DCUN1D1: variants seen among roughly 807,000 people sequenced by gnomAD.
The protein encoded by DCUN1D1 is DCN1-like protein 1.
Under a neutral mutation model 39.0 loss-of-function variants are expected in DCUN1D1, and 3 were observed. That is an observed-to-expected ratio of 0.08 (90% CI 0.04 to 0.20). The LOEUF (loss-of-function observed/expected upper bound fraction) is 0.20, where lower values mean the gene tolerates loss of function less well. Ranked by LOEUF, DCUN1D1 falls within the 10% of genes least tolerant of loss-of-function variation. DCUN1D1 has a pLI of 1.00. For missense variants in DCUN1D1, 158 were observed against 302.4 expected (o/e 0.52, Z 3.54); for synonymous variants, 82 against 96.3 (o/e 0.85, Z 0.87).
chr3:182,948,396 G>A (rs538351192), intron 4 of DCUN1D1, among the ~76,000 whole-genome samples: 1 of 151,268 alleles, frequency 6.6e-6, no homozygotes, highest in South Asian at 2.1e-4. Context: ...TGCCGCATAA[G>A]AAAGAGCTAC....
At chr3:182,980,576 G>T (rs927470049), upstream of DCUN1D1, 9 of 1,163,412 alleles carry the variant, frequency 7.7e-6, no homozygotes, top group African/African-American at 1.3e-4. Flanking sequence ...TCACGGGCTT[G>T]CCCGGCTCCC....
At chr3:182,974,351 T>C (rs1029608585) in intron 1 of DCUN1D1, among the ~76,000 whole-genome samples, 14 of 152,188 alleles carry the variant, frequency 9.2e-5, no homozygotes, top group Non-Finnish European at 1.2e-4. Context: ...CATATCGCAA[T>C]TGATTCTCTC....
intron 4 of DCUN1D1, among the ~76,000 whole-genome samples, chr3:182,956,923 T>A (rs571684891): frequency 3.3e-5 from 5 of 152,230 alleles, no homozygotes; most frequent in Non-Finnish European, 5.9e-5. Flanking sequence ...TGGGCTCTAT[T>A]TTGAAAGAAA....
chr3:182,960,043 C>T (rs1727303803), intron 4 of DCUN1D1, among the ~76,000 whole-genome samples: 1 of 152,188 alleles, frequency 6.6e-6, no homozygotes, highest in Non-Finnish European at 1.5e-5. Flanking sequence ...ATGCCCCACT[C>T]CTAGCCTGCA....
chr3:182,946,217 A>G (rs1281844048), intron 6 of DCUN1D1, among the ~76,000 whole-genome samples: 1 of 152,160 alleles, frequency 6.6e-6, no homozygotes, highest in Non-Finnish European at 1.5e-5. Context: ...TTCAGTGATT[A>G]TTTACTGAAT....
upstream of DCUN1D1, among the ~76,000 whole-genome samples, chr3:182,982,502 A>T (rs1007676182): frequency 1.3e-5 from 2 of 152,116 alleles, no homozygotes; most frequent in African/African-American, 2.4e-5. Context: ...TTATCAAATC[A>T]TCCAAACTAG....
intron 4 of DCUN1D1, among the ~76,000 whole-genome samples, chr3:182,948,977 G>A (rs1278166302): frequency 1.3e-5 from 2 of 151,554 alleles, no homozygotes; most frequent in Non-Finnish European, 2.9e-5. Context: ...GAAACCGGAA[G>A]GCGGAGGTTG....
At position 182,947,563 on chromosome 3, in the gene DCUN1D1, T is replaced by C. The variant is rs201098164; in HGVS notation, c.590A>G (p.Asn197Ser). 11 of 1,570,830 alleles carry C rather than the reference T, an allele frequency of 7.0e-6. No individual in the cohort carries two copies. The East Asian group carries it at 2.5e-4, about 35-fold the overall frequency. Residue 197 changes from asparagine (N) to serine (S), a missense_variant, in exon 5 of 7, where the codon AAT becomes AGT. Around this residue, in one of 4 missense-constraint regions of DCUN1D1, gnomAD observed 107 missense variants for 174.7 expected, o/e 0.61. Coordinates refer to ENST00000292782, the MANE Select transcript of DCUN1D1 (RefSeq NM_020640.4). ...ATGTGAACTTACCAACAAAAATTTA[T>C]TCCATAAGTCTAAGAATTTAAATCT... The part of the protein sequence containing the change: ...NGRFKFLDLW[N>S]KFLLEHHKRS...
chr3:182,977,330 CTA>C (rs1321038868), intron 1 of DCUN1D1, among the ~76,000 whole-genome samples: 1 of 152,190 alleles, frequency 6.6e-6, no homozygotes, highest in Non-Finnish European at 1.5e-5. Context: ...TTCTATGATG[CTA>C]TGAGTCTAAA....
rs1726127684 is a variant in DCUN1D1, at chr3:182,941,377, A to G, written c.*3717T>C. On this transcript the variant is annotated 3_prime_UTR_variant, in exon 7 of 7. Coordinates refer to ENST00000292782, the MANE Select transcript of DCUN1D1 (RefSeq NM_020640.4). Reference sequence around the variant, plus strand: ...TGATAAATAACTTCACCACAGTCCTATGAAATAAAAATAGAAATTATTGCT... The same window carrying G: ...TGATAAATAACTTCACCACAGTCCTGTGAAATAAAAATAGAAATTATTGCT... The G allele has an allele frequency of 1.3e-5, 2 of 152,078 alleles. No individual in the cohort carries two copies. The highest frequency in any genetic ancestry group is 4.8e-5 in the African/African-American group (2 of 41,446). The allele number at this position is 152,078 out of a possible 1,614,324, so 9.4% of individuals were successfully genotyped here.
rs1197021193 is a variant in DCUN1D1, at chr3:182,939,648, A to G, written c.*5446T>C. On this transcript the variant is annotated 3_prime_UTR_variant, in exon 7 of 7. Coordinates refer to ENST00000292782, the MANE Select transcript of DCUN1D1 (RefSeq NM_020640.4). ...CCTCTGTGAAATTTCTAGAAAGGGTAAATCTGTACAGAAAGCAGATCAGTG... is the reference window on the plus strand; with the variant it reads ...CCTCTGTGAAATTTCTAGAAAGGGTGAATCTGTACAGAAAGCAGATCAGTG... The G allele has an allele frequency of 6.6e-6, 1 of 152,212 alleles. No individual in the cohort carries two copies. Among genetic ancestry groups the G allele is most frequent in the Admixed American group, 6.6e-5 (1 of 15,262 alleles). The allele number at this position is 152,212 out of a possible 1,614,324, so 9.4% of individuals were successfully genotyped here. A position where few individuals can be genotyped will look rare whatever the true frequency, so the allele number is the denominator to read the frequency against.
chr3:182,975,175 ATTTTT>A (rs769384130), intron 1 of DCUN1D1, among the ~76,000 whole-genome samples: 1 of 138,648 alleles, frequency 7.2e-6, no homozygotes. Flanking sequence ...TTAACACAGA[ATTTTT>A]TTTTTTTTTT....
intron 4 of DCUN1D1, among the ~76,000 whole-genome samples, chr3:182,954,271 G>A (rs746768664): frequency 2.0e-5 from 3 of 152,146 alleles, no homozygotes; most frequent in Admixed American, 1.3e-4. Context: ...TGAAGAATAC[G>A]CAAAAGTTCA....
intron 6 of DCUN1D1, among the ~76,000 whole-genome samples, chr3:182,945,475 G>T (rs1479696004): frequency 6.6e-6 from 1 of 152,146 alleles, no homozygotes; most frequent in African/African-American, 2.4e-5. Flanking sequence ...TCAGCCAATG[G>T]AAGTAATTTG....
chr3:182,946,971 G>A (rs555400419), intron 6 of DCUN1D1, among the ~76,000 whole-genome samples: 6 of 152,126 alleles, frequency 3.9e-5, no homozygotes, highest in Non-Finnish European at 5.9e-5. Context: ...GCATTGCAGC[G>A]CATGCCTGTA....
chr3:182,939,615 T>A lies in DCUN1D1; in HGVS notation c.*5479A>T, dbSNP rs1726048645. 1 of 152,182 alleles carries A rather than the reference T, an allele frequency of 6.6e-6. No homozygotes were observed. Among genetic ancestry groups the A allele is most frequent in the African/African-American group, 2.4e-5 (1 of 41,452 alleles). The allele number at this position is 152,182 out of a possible 1,614,324, so 9.4% of individuals were successfully genotyped here. A position where few individuals can be genotyped will look rare whatever the true frequency, so the allele number is the denominator to read the frequency against. ...TGCCAGATATAAAAGACTAACTGCA[T>A]GATTCTACCTCTGTGAAATTTCTAG... On this transcript the variant is annotated 3_prime_UTR_variant, in exon 7 of 7. Coordinates refer to ENST00000292782, the MANE Select transcript of DCUN1D1 (RefSeq NM_020640.4).
At position 182,940,164 on chromosome 3, in the gene DCUN1D1, G is replaced by C. The variant is rs549731674; in HGVS notation, c.*4930C>G. 1 of 152,208 alleles carries C rather than the reference G, an allele frequency of 6.6e-6. No homozygotes were observed. The highest frequency in any genetic ancestry group is 1.9e-4 in the East Asian group (1 of 5,188). 9.4% of individuals were successfully genotyped at this position (152,208 alleles called of 1,614,324 possible). On this transcript the variant is annotated 3_prime_UTR_variant, in exon 7 of 7. Coordinates refer to ENST00000292782, the MANE Select transcript of DCUN1D1 (RefSeq NM_020640.4). Reference sequence around the variant, plus strand: ...TCTTCCCCCAACCTTATGCCCTATAGTATTTCTTTTTGTAAAAATCTCTTG... The same window carrying C: ...TCTTCCCCCAACCTTATGCCCTATACTATTTCTTTTTGTAAAAATCTCTTG...
At chr3:182,975,467 C>T (rs753822726) in intron 1 of DCUN1D1, among the ~76,000 whole-genome samples, 26 of 151,822 alleles carry the variant, frequency 1.7e-4, no homozygotes, top group Admixed American at 6.6e-4. Context: ...TGAGCCACCG[C>T]GCCCAGCCAA....
rs1341383192 is a variant in DCUN1D1 at position 182,945,154 on chromosome 3, A to G, written c.720T>C (p.Ile240=). The change falls in exon 7 of 7, where the codon ATT becomes ATC. Residue 240 remains isoleucine (I), a synonymous_variant. Coordinates refer to ENST00000292782, the MANE Select transcript of DCUN1D1 (RefSeq NM_020640.4). ...GGCGTGCAAATTCCACAAAGTCATC[A>G]ATAAGAACAGGCCATGCTCCTGGAA... ...YDEEGAWPVL[I]DDFVEFARPQ... The G allele has an allele frequency of 6.2e-7, 1 of 1,613,348 alleles. No homozygotes were observed. Among genetic ancestry groups the G allele is most frequent in the Non-Finnish European group, 8.5e-7 (1 of 1,179,892 alleles).
Sources: allele counts gnomAD v4.1 joint callset (sites outside exome capture counted in the v4.1 genomes callset), GRCh38; gene constraint gnomAD v4.1.1; regional missense constraint gnomAD v4.1.1; transcripts MANE v1.5; gene names NCBI Gene and HGNC (gene_info 2026-07-23, HGNC 2026-07-21).